MRTFB: variants seen among roughly 807,000 people sequenced by gnomAD.
MRTFB encodes the protein myocardin-related transcription factor B.
A neutral mutation model predicts 104.2 loss-of-function variants in MRTFB; 29 were observed. That is an observed-to-expected ratio of 0.28 (90% CI 0.21 to 0.38). The LOEUF (loss-of-function observed/expected upper bound fraction) is 0.38, where lower values mean the gene tolerates loss of function less well. Among genes scored for constraint, MRTFB ranks in the 10% least tolerant of loss-of-function variants. The probability of loss-of-function intolerance (pLI) is 1.00; values close to 1 mark genes in which losing one functional copy is unlikely to be tolerated. For missense variants in MRTFB, 1,270 were observed against 1,341.6 expected (o/e 0.95, Z 0.83); for synonymous variants, 535 against 519.5 (o/e 1.03, Z -0.41).
At chr16:13,997,994 A>G in the MRTFB span, among the ~76,000 whole-genome samples, 1 of 152,200 alleles carries the variant, frequency 6.6e-6, no homozygotes, top group South Asian at 2.1e-4. Context: ...TACATGCTAG[A>G]CTTGTCAGAG....
At position 14,247,435 on chromosome 16, in the gene MRTFB, G is replaced by A; in HGVS notation, c.2175G>A (p.Leu725=). ...QALLTTQTAQ[L]LLPVSIQGSS... is the part of the protein sequence containing the mutation. ...TACTGACCACGCAGACTGCTCAGCT[G>A]CTGCTCCCAGTGTCCATCCAGGGCT... Residue 725 remains leucine, a synonymous_variant, in exon 12 of 17, where the codon CTG becomes CTA. Transcript: ENST00000571589. 6.2e-7 allele frequency: 1 copy of A among 1,606,824 alleles called. No individual in the cohort carries two copies. Among genetic ancestry groups the A allele is most frequent in the Non-Finnish European group, 8.5e-7 (1 of 1,179,114 alleles).
In MRTFB at chr16:14,261,268, G is replaced by A. The variant is rs2043767238; in HGVS notation, c.3124G>A (p.Ala1042Thr). The A allele has an allele frequency of 1.2e-6, 2 of 1,614,024 alleles. No homozygotes were observed. The highest frequency in any genetic ancestry group is 2.2e-5 in the South Asian group (2 of 91,054). ...PMETSETQFA[A>T]GTPCLSLDLS... ...GGAGACTTCCGAGACCCAGTTTGCT[G>A]CAGGTACTCCCTGTCTGTCTCTCGA... Residue 1042 changes from alanine (A) to threonine (T), a missense_variant, in exon 17 of 17, where the codon GCA (alanine) becomes ACA (threonine). By Grantham distance (58) the Ala-to-Thr change is moderately conservative. This residue lies in a region of MRTFB where 1,144 missense variants were observed against 1,131.5 expected (regional missense o/e 1.01). Transcript: ENST00000571589.
At chr16:14,255,710 T>A (rs1170497430) in intron 15 of MRTFB, among the ~76,000 whole-genome samples, 1 of 152,156 alleles carries the variant, frequency 6.6e-6, no homozygotes, top group Non-Finnish European at 1.5e-5. Context: ...TTGTAGGATC[T>A]CTATGTTTTA....
chr16:14,080,122 T>A (rs1340715716), intron 2 of MRTFB, among the ~76,000 whole-genome samples: 1 of 152,230 alleles, frequency 6.6e-6, no homozygotes, highest in Non-Finnish European at 1.5e-5. Flanking sequence ...GATGTATTGA[T>A]CAGCCTTCTG....
chr16:14,189,775 A>C lies in MRTFB; in HGVS notation c.155-20468A>C, dbSNP rs1032298091. Among the ~76,000 whole-genome samples the C allele has an allele frequency of 2.6e-5, 4 of 152,192 alleles. No homozygotes were observed. In the South Asian group the frequency reaches 8.3e-4, roughly 32 times the overall value. On this transcript the variant is annotated intron_variant, in intron 3 of 16. Transcript: ENST00000571589. Reference sequence around the variant, plus strand: ...TCACATAGACACAAGCTTGGGCTCTATATGTCTGATACGTGTCCACTCTCA... The same window carrying C: ...TCACATAGACACAAGCTTGGGCTCTCTATGTCTGATACGTGTCCACTCTCA...
At chr16:14,030,374 A>G in the MRTFB span, among the ~76,000 whole-genome samples, 44 of 152,254 alleles carry the variant, frequency 2.9e-4, no homozygotes, top group African/African-American at 9.4e-4. Flanking sequence ...TAGCTGGTTC[A>G]GGCCCTGGTT....
intron 3 of MRTFB, among the ~76,000 whole-genome samples, chr16:14,159,823 G>A (rs1159895320): frequency 2.0e-5 from 3 of 148,680 alleles, no homozygotes; most frequent in East Asian, 2.0e-4. Flanking sequence ...CCAGCTACTC[G>A]GGAGGCTGAG....
At chr16:14,033,158 C>T in the MRTFB span, among the ~76,000 whole-genome samples, 4 of 151,910 alleles carry the variant, frequency 2.6e-5, no homozygotes, top group African/African-American at 7.3e-5. Context: ...CCCAGCACTT[C>T]GGGAGCCAAG....
chr16:14,160,491 A>C (rs1183773940), intron 3 of MRTFB, among the ~76,000 whole-genome samples: 1 of 152,170 alleles, frequency 6.6e-6, no homozygotes, highest in African/African-American at 2.4e-5. Context: ...CTCTTATGTA[A>C]ATGTACTATT....
At chr16:14,017,705 A>ATTT in the MRTFB span, among the ~76,000 whole-genome samples, 9 of 28,280 alleles carry the variant, frequency 3.2e-4, 1 homozygote, top group Non-Finnish European at 4.6e-4. Flanking sequence ...ATATATATAT[A>ATTT]TATATATTTT....
At chr16:14,227,840 C>G (rs1033362224) in intron 8 of MRTFB, among the ~76,000 whole-genome samples, 2 of 151,654 alleles carry the variant, frequency 1.3e-5, no homozygotes, top group African/African-American at 4.9e-5. Flanking sequence ...CCAAAACAGA[C>G]TAAGACAGGA....
intron 2 of MRTFB, among the ~76,000 whole-genome samples, chr16:14,094,399 T>C (rs2035248235): frequency 6.6e-6 from 1 of 152,252 alleles, no homozygotes; most frequent in Admixed American, 6.5e-5. Flanking sequence ...GAATTTAGGC[T>C]GAAGTGTTGC....
upstream of MRTFB, among the ~76,000 whole-genome samples, chr16:14,066,982 TTTTG>T (rs1474947969): frequency 2.6e-5 from 4 of 151,544 alleles, no homozygotes; most frequent in African/African-American, 7.3e-5. Context: ...GAATTACCCA[TTTTG>T]TTTGTTTGTT....
At chr16:14,025,139 A>G in the MRTFB span, among the ~76,000 whole-genome samples, 3 of 152,254 alleles carry the variant, frequency 2.0e-5, no homozygotes, top group Non-Finnish European at 2.9e-5. Context: ...GCTTCAAGAT[A>G]GACATGGGGC....
chr16:14,068,757 A>G (rs960404506), upstream of MRTFB, among the ~76,000 whole-genome samples: 2 of 152,140 alleles, frequency 1.3e-5, no homozygotes, highest in African/African-American at 4.8e-5. Flanking sequence ...TGGCTGGTAG[A>G]GCATTACTTC....
At chr16:14,233,646 G>A (rs768850065) in intron 8 of MRTFB, among the ~76,000 whole-genome samples, 16 of 151,786 alleles carry the variant, frequency 1.1e-4, no homozygotes, top group South Asian at 2.1e-4. Flanking sequence ...AAAAACTAGC[G>A]GAGTGTGGTG....
the MRTFB span, among the ~76,000 whole-genome samples, chr16:14,062,442 G>C: frequency 6.6e-6 from 1 of 152,072 alleles, no homozygotes; most frequent in Non-Finnish European, 1.5e-5. Flanking sequence ...CTATGTTAAG[G>C]CTCATTCCCA....
the MRTFB span, among the ~76,000 whole-genome samples, chr16:14,054,676 C>G: frequency 2.6e-5 from 4 of 152,206 alleles, no homozygotes; most frequent in African/African-American, 9.7e-5. Context: ...AGCTAGTAAG[C>G]TCTCTGAGGA....
chr16:14,187,683 C>G (rs2040006626), intron 3 of MRTFB, among the ~76,000 whole-genome samples: 1 of 152,220 alleles, frequency 6.6e-6, no homozygotes, highest in Non-Finnish European at 1.5e-5. Flanking sequence ...AAGGAAATAG[C>G]CAAACATGTG....
Sources: gnomAD v4.1 joint callset for allele counts (sites outside exome capture counted in the v4.1 genomes callset) on GRCh38, gnomAD v4.1.1 for gene constraint, gnomAD v4.1.1 regional missense constraint, MANE v1.5 for transcripts, NCBI Gene and HGNC (gene_info 2026-07-23, HGNC 2026-07-21) for gene names.